The following GRM1 variants were observed in gnomAD, a reference collection of about 807,000 sequenced individuals.
GRM1 encodes the protein glutamate metabotropic receptor 1.
Under a neutral mutation model 90.9 loss-of-function variants are expected in GRM1, and 33 were observed. The ratio of observed to expected loss-of-function variants is 0.36; its 90% CI spans 0.28 to 0.49. The LOEUF is 0.49. Ranked by LOEUF, GRM1 falls within the 20% of genes least tolerant of loss-of-function variation. The probability of loss-of-function intolerance (pLI) is 0.99; values close to 1 mark genes in which losing one functional copy is unlikely to be tolerated. For synonymous variants in GRM1, 700 were observed against 613.2 expected, an observed-to-expected ratio of 1.14 and a Z score of -2.09; for missense variants, 1,190 against 1,534.3, an observed-to-expected ratio of 0.78 and a Z score of 3.75.
intron 2 of GRM1, among the ~76,000 whole-genome samples, chr6:146,183,733 T>G (rs1778628502): frequency 6.6e-6 from 1 of 152,180 alleles, no homozygotes; most frequent in Non-Finnish European, 1.5e-5. Flanking sequence ...ATTGCTTGGT[T>G]TTATGTTGTC....
intron 7 of GRM1, among the ~76,000 whole-genome samples, chr6:146,412,953 G>T (rs74823312): frequency 0.018 from 2,758 of 152,010 alleles, 87 homozygotes; most frequent in African/African-American, 0.063. Context: ...TTTCATCTTA[G>T]TTCTATAATT....
At chr6:146,200,335 C>A (rs1170581302) in intron 2 of GRM1, among the ~76,000 whole-genome samples, 1 of 152,172 alleles carries the variant, frequency 6.6e-6, no homozygotes, top group Non-Finnish European at 1.5e-5. Flanking sequence ...TTCTCATTAT[C>A]CTTCTGCAGG....
At chr6:146,178,921 G>A (rs1297355594) in intron 2 of GRM1, among the ~76,000 whole-genome samples, 1 of 152,120 alleles carries the variant, frequency 6.6e-6, no homozygotes, top group Non-Finnish European at 1.5e-5. Context: ...ATTCAAAGAT[G>A]TTAATCTACC....
At chr6:146,424,240 A>T (rs980726184) in intron 7 of GRM1, among the ~76,000 whole-genome samples, 3 of 152,230 alleles carry the variant, frequency 2.0e-5, no homozygotes, top group Admixed American at 2.0e-4. Context: ...GTGCAGTGGC[A>T]CTTCCGGTCC....
intron 1 of GRM1, among the ~76,000 whole-genome samples, chr6:146,039,115 A>G (rs2128839873): frequency 1.3e-5 from 2 of 152,106 alleles, no homozygotes; most frequent in East Asian, 3.9e-4. Context: ...TAGTGGAATT[A>G]TAGTCTTCCT....
chr6:146,068,351 GAT>G (rs774589377), intron 1 of GRM1, among the ~76,000 whole-genome samples: 3 of 152,160 alleles, frequency 2.0e-5, no homozygotes, highest in Non-Finnish European at 4.4e-5. Context: ...CTGACCTCAT[GAT>G]CCGCCCACCT....
At chr6:146,229,660 TTA>T (rs1282441419) in intron 2 of GRM1, among the ~76,000 whole-genome samples, 2 of 152,124 alleles carry the variant, frequency 1.3e-5, no homozygotes, top group African/African-American at 2.4e-5. Context: ...TTCTATGAAT[TTA>T]TGTTTTGTCC....
At chr6:146,224,379 C>A (rs893692340) in intron 2 of GRM1, among the ~76,000 whole-genome samples, 2 of 152,182 alleles carry the variant, frequency 1.3e-5, no homozygotes, top group South Asian at 2.1e-4. Context: ...AAGCTAAGTA[C>A]AACTTGCTAA....
intron 1 of GRM1, among the ~76,000 whole-genome samples, chr6:146,101,533 T>C (rs1489187347): frequency 6.6e-6 from 1 of 152,112 alleles, no homozygotes; most frequent in Non-Finnish European, 1.5e-5. Context: ...CTCTTCCTTC[T>C]TACCTTTCAG....
At chr6:146,433,828 G>T in intron 7 of GRM1, 44 bp from the exon 8 acceptor site, 1 of 1,318,422 alleles carries the variant, frequency 7.6e-7, no homozygotes, top group Non-Finnish European at 1.1e-6. Flanking sequence ...TATCCTGTGT[G>T]CATGATCTAT....
chr6:146,058,901 A>G (rs1775573186), intron 1 of GRM1, among the ~76,000 whole-genome samples: 2 of 152,128 alleles, frequency 1.3e-5, no homozygotes, highest in African/African-American at 4.8e-5. Context: ...TATTAATTCA[A>G]TCACATCTTC....
At chr6:146,275,754 G>A (rs183820615) in intron 2 of GRM1, among the ~76,000 whole-genome samples, 3 of 151,864 alleles carry the variant, frequency 2.0e-5, no homozygotes, top group Admixed American at 1.3e-4. Context: ...CACTGTTCTC[G>A]CCATCTAATA....
intron 7 of GRM1, among the ~76,000 whole-genome samples, chr6:146,429,716 C>CTT (rs776819861): frequency 1.3e-5 from 2 of 152,092 alleles, no homozygotes; most frequent in Non-Finnish European, 2.9e-5. Context: ...AAGTCTGTGC[C>CTT]TTTTTATCTT....
chr6:146,276,899 G>A lies in GRM1; in HGVS notation c.951-27712G>A, dbSNP rs13195820. On this transcript the variant is annotated intron_variant, in intron 2 of 7. Transcript: ENST00000282753. The stretch of plus-strand genomic sequence containing the variant: ...AAGGGTTCCTTGAGCCCATGAGCTC[G>A]AGACCAGCCTGGTCAATATAGTGAT... Among the ~76,000 whole-genome samples, 145 of 152,166 alleles carry A rather than the reference G, an allele frequency of 9.5e-4. No individual in the cohort carries two copies. The South Asian group carries it at 0.012, about 13-fold the overall frequency.
chr6:146,080,330 G>A lies in GRM1; in HGVS notation c.700+50113G>A, dbSNP rs117290823. On this transcript the variant is annotated intron_variant, in intron 1 of 7. Transcript: ENST00000282753. Reference sequence around the variant, plus strand: ...TCTTTTTTCCTCTTCTGAATATGCTGTCTTCTGCCTTCACTGCTTCAATGA... The same window carrying A: ...TCTTTTTTCCTCTTCTGAATATGCTATCTTCTGCCTTCACTGCTTCAATGA... 4.0e-3 allele frequency among the ~76,000 whole-genome samples: 609 copies of A among 152,190 alleles called. 18 individuals carry two copies. In the East Asian group the frequency reaches 0.07, roughly 17 times the overall value.
chr6:146,143,268 T>C (rs1254989365), intron 1 of GRM1, among the ~76,000 whole-genome samples: 1 of 152,198 alleles, frequency 6.6e-6, no homozygotes. Flanking sequence ...GTAAAATCTA[T>C]TTTGACTTAG....
intron 2 of GRM1, among the ~76,000 whole-genome samples, chr6:146,180,717 T>G (rs1778520720): frequency 6.6e-6 from 1 of 152,192 alleles, no homozygotes; most frequent in African/African-American, 2.4e-5. Flanking sequence ...AAAATTGGTT[T>G]TCTTCATAGG....
At chr6:146,093,927 G>GTC (rs1776794731) in intron 1 of GRM1, among the ~76,000 whole-genome samples, 1 of 152,038 alleles carries the variant, frequency 6.6e-6, no homozygotes, top group Non-Finnish European at 1.5e-5. Flanking sequence ...AAGTCTCAGA[G>GTC]TTCATATCAT....
At chr6:146,189,517 C>A (rs1302085614) in intron 2 of GRM1, among the ~76,000 whole-genome samples, 2 of 152,104 alleles carry the variant, frequency 1.3e-5, no homozygotes. Context: ...GGTCTGTCGA[C>A]CTGAAATATT....
Sources: allele counts gnomAD v4.1 joint callset (sites outside exome capture counted in the v4.1 genomes callset), GRCh38; gene constraint gnomAD v4.1.1; transcripts MANE v1.5; gene names NCBI Gene and HGNC (gene_info 2026-07-23, HGNC 2026-07-21).